The following NAV3 variants were observed in gnomAD, a reference collection of about 807,000 sequenced individuals.
NAV3 encodes the protein neuron navigator 3.
In NAV3, 87 loss-of-function variants were observed where a neutral mutation model predicts 244.7. The observed-to-expected ratio is 0.36, with a 90% CI of 0.30 to 0.42. The LOEUF (loss-of-function observed/expected upper bound fraction) is 0.42, where lower values mean the gene tolerates loss of function less well. Ranked by LOEUF, NAV3 falls within the 20% of genes least tolerant of loss-of-function variation. The pLI is 1.00. For missense variants in NAV3, 2,663 were observed against 2,893.3 expected (o/e 0.92, Z 1.83); for synonymous variants, 1,126 against 1,042.2 (o/e 1.08, Z -1.55).
chr12:77,601,697 G>A (rs533989639), intron 2 of NAV3, among the ~76,000 whole-genome samples: 1 of 152,048 alleles, frequency 6.6e-6, no homozygotes, highest in South Asian at 2.1e-4. Context: ...ATGCAGAGGA[G>A]TCAAAAGACA....
chr12:77,615,681 T>C (rs1233770054), intron 2 of NAV3, among the ~76,000 whole-genome samples: 2 of 152,340 alleles, frequency 1.3e-5, no homozygotes, highest in East Asian at 3.9e-4. Context: ...GATGAACATA[T>C]GAATTCATGT....
At position 78,212,342 on chromosome 12, in the gene NAV3, T is replaced by C. The variant is rs1960944649; in HGVS notation, c.*1825T>C. 1 of 152,624 alleles carries C rather than the reference T, an allele frequency of 6.6e-6. No individual in the cohort carries two copies. The highest frequency in any genetic ancestry group is 6.5e-5 in the Admixed American group (1 of 15,274). The allele number at this position is 152,624 out of a possible 1,614,324, so 9.5% of individuals were successfully genotyped here. A position where few individuals can be genotyped will look rare whatever the true frequency, so the allele number is the denominator to read the frequency against. On this transcript the variant is annotated 3_prime_UTR_variant, in exon 40 of 40. Coordinates refer to ENST00000397909, the MANE Select transcript of NAV3 (RefSeq NM_001024383.2). ...GTGAAAATGTGTTACTTTTAGGACG[T>C]GTATTTGGTGCTACTCTCTGTGACC...
At chr12:77,663,530 T>C (rs1034000690) in intron 2 of NAV3, among the ~76,000 whole-genome samples, 26 of 151,700 alleles carry the variant, frequency 1.7e-4, no homozygotes, top group Admixed American at 5.9e-4. Flanking sequence ...TTCTTTTTTT[T>C]TTTTTTTTGA....
At chr12:77,758,718 A>G (rs1201744061) in intron 2 of NAV3, among the ~76,000 whole-genome samples, 4 of 152,234 alleles carry the variant, frequency 2.6e-5, no homozygotes, top group Admixed American at 6.5e-5. Flanking sequence ...TGTTTAAAAT[A>G]TAAAATACAC....
intron 23 of NAV3, among the ~76,000 whole-genome samples, chr12:78,164,717 G>A (rs1247808397): frequency 6.6e-6 from 1 of 152,046 alleles, no homozygotes; most frequent in African/African-American, 2.4e-5. Context: ...CAAGACTTCA[G>A]ATGCATGGTG....
Position 78,181,018 on chromosome 12 carries a change from T to G in NAV3, c.5665T>G (p.Leu1889Val), listed in dbSNP as rs1262631092. 1 of 1,613,054 alleles carries G rather than the reference T, an allele frequency of 6.2e-7. No individual in the cohort carries two copies. The highest frequency in any genetic ancestry group is 8.5e-7 in the Non-Finnish European group (1 of 1,179,328). The change falls in exon 30 of 40, where the codon TTG becomes GTG. Residue 1889 changes from leucine to valine, a missense_variant. Leu to Val is a conservative substitution (Grantham distance 32, BLOSUM62 1). Transcript: ENST00000397909. ...RQSLGLSLNN[L>V]NITEAVSSDI... ...GTCATTAGGACTTTCTCTAAACAAT[T>G]TGAACATCACAGAGGCTGTTAGCTC...
chr12:77,861,109 T>A lies in NAV3; in HGVS notation c.243+29405T>A, dbSNP rs142226528. On this transcript the variant is annotated intron_variant, in intron 1 of 39. Transcript: ENST00000397909. ...TTCAGCTTGAAGCCATAACCATGAT[T>A]GTCTCCTATGTAGTAGAGAAAATTA... is the stretch of plus-strand genomic sequence containing the variant. Among the ~76,000 whole-genome samples the A allele has an allele frequency of 7.2e-5, 11 of 152,050 alleles. No homozygotes were observed. The East Asian group carries it at 2.1e-3, about 29-fold the overall frequency.
chr12:77,604,358 T>A (rs1323117593), intron 2 of NAV3, among the ~76,000 whole-genome samples: 1 of 151,962 alleles, frequency 6.6e-6, no homozygotes, highest in Non-Finnish European at 1.5e-5. Flanking sequence ...TAAGTGTAGT[T>A]GTAATGAAAA....
chr12:77,823,208 G>A (rs1256844631), intron 2 of NAV3, among the ~76,000 whole-genome samples: 1 of 152,114 alleles, frequency 6.6e-6, no homozygotes, highest in Non-Finnish European at 1.5e-5. Flanking sequence ...GTTTAGGAAA[G>A]CCTCAAGGGC....
chr12:78,086,826 A>G (rs1338239635), intron 12 of NAV3, among the ~76,000 whole-genome samples: 2 of 152,024 alleles, frequency 1.3e-5, no homozygotes, highest in South Asian at 2.1e-4. Flanking sequence ...ACATGTCCTC[A>G]TCTATGTGTT....
At chr12:77,832,031 C>T (rs1400914181) in intron 1 of NAV3, among the ~76,000 whole-genome samples, 1 of 152,130 alleles carries the variant, frequency 6.6e-6, no homozygotes, top group African/African-American at 2.4e-5. Flanking sequence ...AAAAGAGAAC[C>T]TATTGTCATC....
intron 2 of NAV3, among the ~76,000 whole-genome samples, chr12:77,572,940 G>A (rs1291279736): frequency 6.6e-6 from 1 of 152,162 alleles, no homozygotes; most frequent in Non-Finnish European, 1.5e-5. Flanking sequence ...CTGCTGAATT[G>A]CTCCACTGGA....
intron 2 of NAV3, among the ~76,000 whole-genome samples, chr12:77,576,836 G>A (rs947230174): frequency 6.6e-6 from 1 of 151,922 alleles, no homozygotes; most frequent in Non-Finnish European, 1.5e-5. Context: ...ATTAAATGAG[G>A]CCATTTAATT....
chr12:77,624,329 G>T (rs2136887113), intron 2 of NAV3, among the ~76,000 whole-genome samples: 1 of 152,234 alleles, frequency 6.6e-6, no homozygotes, highest in East Asian at 1.9e-4. Context: ...GCGGAAAGTT[G>T]CAAGAAATAA....
chr12:77,952,088 GTTGT>G (rs1890955911), intron 3 of NAV3, among the ~76,000 whole-genome samples: 1 of 151,046 alleles, frequency 6.6e-6, no homozygotes. Flanking sequence ...AAAAAAACAG[GTTGT>G]TTGTTTTCTT....
chr12:77,872,346 A>G (rs541412414), intron 1 of NAV3, among the ~76,000 whole-genome samples: 1 of 149,662 alleles, frequency 6.7e-6, no homozygotes, highest in East Asian at 1.9e-4. Context: ...GCTAATACGG[A>G]AAAAAAAACA....
chr12:77,705,208 C>T (rs749955032), intron 2 of NAV3, among the ~76,000 whole-genome samples: 9 of 152,136 alleles, frequency 5.9e-5, no homozygotes, highest in Non-Finnish European at 1.0e-4. Flanking sequence ...CACCTGAGGT[C>T]AGGAGTTCGA....
intron 39 of NAV3, among the ~76,000 whole-genome samples, chr12:78,205,642 A>G (rs1209879619): frequency 1.3e-5 from 2 of 152,088 alleles, no homozygotes; most frequent in Non-Finnish European, 2.9e-5. Context: ...TGGTTTATTT[A>G]CTTTCTAAAA....
chr12:77,952,965 T>A (rs534905967), intron 3 of NAV3, among the ~76,000 whole-genome samples: 1 of 152,242 alleles, frequency 6.6e-6, no homozygotes, highest in South Asian at 2.1e-4. Flanking sequence ...AATAAAACAA[T>A]AAATTCCCTT....
Sources: allele counts gnomAD v4.1 joint callset (sites outside exome capture counted in the v4.1 genomes callset), GRCh38; gene constraint gnomAD v4.1.1; transcripts MANE v1.5; gene names NCBI Gene and HGNC (gene_info 2026-07-23, HGNC 2026-07-21).